The following PRKDC variants were observed in gnomAD, a reference collection of about 807,000 sequenced individuals.
The protein encoded by PRKDC is DNA-dependent protein kinase catalytic subunit.
In PRKDC, 82 loss-of-function variants were observed where a neutral mutation model predicts 486.9. The observed-to-expected ratio is 0.17, with a 90% CI of 0.14 to 0.20. The LOEUF (loss-of-function observed/expected upper bound fraction) is 0.20. PRKDC is among the 10% of genes least tolerant of loss of function. The pLI is 1.00. For missense variants in PRKDC, 4,504 were observed against 5,038.2 expected (o/e 0.89, Z 3.21); for synonymous variants, 1,895 against 1,837.0 (o/e 1.03, Z -0.81).
Position 47,849,427 on chromosome 8 carries a change from A to G in PRKDC, c.7082T>C (p.Ile2361Thr). 1 of 1,614,038 alleles carries G rather than the reference A, an allele frequency of 6.2e-7. No individual in the cohort carries two copies. The highest frequency in any genetic ancestry group is 8.5e-7 in the Non-Finnish European group (1 of 1,179,906). The change falls in exon 53 of 86, where the codon ATT (isoleucine) becomes ACT (threonine). Residue 2361 changes from isoleucine (I) to threonine (T), a missense_variant. Physicochemically the swap from Ile to Thr is moderately conservative, Grantham distance 89. Around this residue, in one of 6 missense-constraint regions of PRKDC, gnomAD observed 1,592 missense variants for 1,724.6 expected, o/e 0.92. Coordinates refer to ENST00000314191, the MANE Select transcript of PRKDC (RefSeq NM_006904.7). ...CTTGGTCACTTTGTTCAAGCACACA[A>G]TAAACTTGTCCTCCATAGTATTCTG... is the stretch of plus-strand genomic sequence containing the variant. ...QHQNTMEDKF[I>T]VCLNKVTKSF...
chr8:47,859,815 G>A (rs1296418337), intron 45 of PRKDC, 56 bp from the exon 46 acceptor site: 3 of 1,460,270 alleles, frequency 2.1e-6, no homozygotes, highest in Non-Finnish European at 2.8e-6. Flanking sequence ...AGTAAGAAAT[G>A]TATTTCTCTA....
At chr8:47,864,458 G>C in intron 41 of PRKDC, 98 bp downstream of exon 41, 2 of 1,113,720 alleles carry the variant, frequency 1.8e-6, no homozygotes, top group Non-Finnish European at 1.3e-6. Context: ...CACACTCCTT[G>C]AACAGCAGAG....
chr8:47,924,967 C>A (rs2090132456), intron 21 of PRKDC, among the ~76,000 whole-genome samples: 1 of 152,160 alleles, frequency 6.6e-6, no homozygotes, highest in Non-Finnish European at 1.5e-5. Context: ...AAACTACTAC[C>A]TCCATCGCCC....
At chr8:47,855,480 G>T in intron 49 of PRKDC, 107 bp from the exon 50 acceptor site, 2 of 1,182,234 alleles carry the variant, frequency 1.7e-6, no homozygotes, top group Non-Finnish European at 2.3e-6. Context: ...ACAGGAGTCC[G>T]GCTCCTGTTG....
rs1424303863 is a variant in PRKDC, at chr8:47,859,631, T to G, written c.6187A>C (p.Thr2063Pro). 2.5e-6 allele frequency: 4 copies of G among 1,610,288 alleles called. No individual in the cohort carries two copies. The highest frequency in any genetic ancestry group is 3.4e-6 in the Non-Finnish European group (4 of 1,178,976). Residue 2063 changes from threonine (T) to proline (P), a missense_variant, in exon 46 of 86, where the codon ACT (threonine) becomes CCT (proline). By Grantham distance (38) the Thr-to-Pro change is conservative. Transcript: ENST00000314191. ...SYSSQDPRPA[T>P]GRFRRREQRD... Reference sequence around the variant, plus strand: ...ATCACCCGTCTCCGAAAACGACCAGTGGCAGGTCTAGGGTCTTGGGAGCTG... The same window carrying G: ...ATCACCCGTCTCCGAAAACGACCAGGGGCAGGTCTAGGGTCTTGGGAGCTG...
chr8:47,853,305 G>C (rs1397872931), intron 51 of PRKDC, among the ~76,000 whole-genome samples: 1 of 152,232 alleles, frequency 6.6e-6, no homozygotes, highest in African/African-American at 2.4e-5. Flanking sequence ...TTCCCACTGA[G>C]GCTGCCGCGA....
intron 19 of PRKDC, 89 bp from the exon 20 acceptor site, chr8:47,927,979 A>C (rs2090181263): frequency 8.3e-7 from 1 of 1,201,274 alleles, no homozygotes; most frequent in African/African-American, 1.6e-5. Context: ...TCTCAAATAC[A>C]AAAATTGGCA....
chr8:47,775,364 ATT>A (rs761373021), intron 85 of PRKDC, among the ~76,000 whole-genome samples: 87 of 87,532 alleles, frequency 9.9e-4, no homozygotes, highest in African/African-American at 4.1e-3. Context: ...TCTTTTGACC[ATT>A]TTTTTTTTTT....
At chr8:47,958,821 C>T (rs372811081) in intron 1 of PRKDC, among the ~76,000 whole-genome samples, 2 of 151,672 alleles carry the variant, frequency 1.3e-5, no homozygotes, top group East Asian at 3.9e-4. Context: ...CTGCAATCTC[C>T]TTCTCCTGGG....
intron 84 of PRKDC, 87 bp from the exon 85 acceptor site, chr8:47,777,070 A>G: frequency 6.8e-7 from 1 of 1,473,858 alleles, no homozygotes. Context: ...AATGATCTTA[A>G]AGTAAACAAA....
chr8:47,800,767 A>G (rs752373337), intron 71 of PRKDC, 26 bp downstream of exon 71: 1 of 1,575,356 alleles, frequency 6.3e-7, no homozygotes, highest in Non-Finnish European at 8.6e-7. Context: ...ACAGCACACT[A>G]GCGTAAAACA....
intron 83 of PRKDC, 79 bp downstream of exon 83, chr8:47,778,380 C>G (rs1341278203): frequency 7.0e-7 from 1 of 1,433,010 alleles, no homozygotes; most frequent in African/African-American, 1.4e-5. Context: ...TCCTTAAAAA[C>G]TGTCTATTTC....
intron 36 of PRKDC, among the ~76,000 whole-genome samples, chr8:47,885,706 C>G (rs1246375154): frequency 6.6e-6 from 1 of 151,920 alleles, no homozygotes; most frequent in East Asian, 2.0e-4. Flanking sequence ...GCCTGGCCAA[C>G]ATAGTGAAAC....
intron 29 of PRKDC, 48 bp from the exon 30 acceptor site, chr8:47,897,342 A>G (rs1185975574): frequency 6.7e-7 from 1 of 1,488,132 alleles, no homozygotes. Flanking sequence ...AACATGCAAC[A>G]TTCAGCTACC....
Position 47,957,165 on chromosome 8 carries a change from T to C in PRKDC, c.324+6A>G. 6.5e-7 allele frequency: 1 copy of C among 1,539,014 alleles called. No individual in the cohort carries two copies. Among genetic ancestry groups the C allele is most frequent in the Admixed American group, 1.7e-5 (1 of 58,344 alleles). On this transcript the variant is annotated splice_donor_region_variant and intron_variant, in intron 3 of 85. Transcript: ENST00000314191. ...AATGTAATAAGGTATGTTTTTTAATTCTTACCTTAATTTCAACAGAGTAAG... is the reference window on the plus strand; with the variant it reads ...AATGTAATAAGGTATGTTTTTTAATCCTTACCTTAATTTCAACAGAGTAAG...
At chr8:47,950,601 C>T (rs911742761) in intron 7 of PRKDC, among the ~76,000 whole-genome samples, 2 of 150,390 alleles carry the variant, frequency 1.3e-5, no homozygotes, top group African/African-American at 4.9e-5. Context: ...TGCACTCCAG[C>T]CTGGGCGACA....
At position 47,807,211 on chromosome 8, in the gene PRKDC, C is replaced by T; in HGVS notation, c.9673G>A (p.Glu3225Lys). The part of the protein sequence containing the change: ...SDRMEVQEQE[E>K]DISSLIRSCK... ...CTCCTGATCAGGGAGCTGATATCTT[C>T]TTCCTGCTCTTGCACTTCCATCCTG... is the stretch of plus-strand genomic sequence containing the variant. The change falls in exon 69 of 86, where the codon GAA becomes AAA. Residue 3225 changes from glutamate to lysine, a missense_variant. By Grantham distance (56) the Glu-to-Lys change is moderately conservative. This residue lies in a region of PRKDC where 1,592 missense variants were observed against 1,724.6 expected (regional missense o/e 0.92). Coordinates refer to ENST00000314191, the MANE Select transcript of PRKDC (RefSeq NM_006904.7). The T allele has an allele frequency of 6.2e-7, 1 of 1,613,954 alleles. No homozygotes were observed. The highest frequency in any genetic ancestry group is 8.5e-7 in the Non-Finnish European group (1 of 1,179,858).
chr8:47,879,691 G>A (rs563559540), intron 38 of PRKDC, 33 bp from the exon 39 acceptor site: 36 of 1,482,882 alleles, frequency 2.4e-5, no homozygotes, highest in African/African-American at 1.2e-4. Flanking sequence ...GAAACTGCAC[G>A]AATTATGGCT....
At chr8:47,928,750 C>G (rs1265445789) in intron 19 of PRKDC, among the ~76,000 whole-genome samples, 1 of 152,078 alleles carries the variant, frequency 6.6e-6, no homozygotes, top group Admixed American at 6.6e-5. Flanking sequence ...GTAGTGCAAT[C>G]TCAGCTCACT....
Sources: gnomAD v4.1 joint callset for allele counts (sites outside exome capture counted in the v4.1 genomes callset) on GRCh38, gnomAD v4.1.1 for gene constraint, gnomAD v4.1.1 regional missense constraint, MANE v1.5 for transcripts, NCBI Gene and HGNC (gene_info 2026-07-23, HGNC 2026-07-21) for gene names.